The following EFTUD2 variants were observed in gnomAD, a reference collection of about 807,000 sequenced individuals.
EFTUD2 encodes elongation factor Tu GTP binding domain containing 2.
EFTUD2 carries 9 observed loss-of-function variants against 114.3 expected under a neutral mutation model. The observed-to-expected ratio is 0.08, with a 90% CI of 0.05 to 0.14. The LOEUF (loss-of-function observed/expected upper bound fraction) is 0.14, where lower values mean the gene tolerates loss of function less well. Ranked by LOEUF, EFTUD2 falls within the 10% of genes least tolerant of loss-of-function variation. The probability of loss-of-function intolerance (pLI) is 1.00; values close to 1 mark genes in which losing one functional copy is unlikely to be tolerated. For missense variants in EFTUD2, 765 were observed against 1,241.2 expected, an observed-to-expected ratio of 0.62 and a Z score of 5.76; for synonymous variants, 449 against 462.3, an observed-to-expected ratio of 0.97 and a Z score of 0.37.
intron 2 of EFTUD2, among the ~76,000 whole-genome samples, chr17:44,890,174 T>C (rs765217342): frequency 8.5e-5 from 7 of 82,534 alleles, no homozygotes; most frequent in African/African-American, 1.2e-4. Flanking sequence ...CAGCTAATTT[T>C]TGTATTTTTG....
intron 11 of EFTUD2, among the ~76,000 whole-genome samples, chr17:44,871,483 T>G (rs1198971404): frequency 6.6e-6 from 1 of 152,000 alleles, no homozygotes; most frequent in African/African-American, 2.4e-5. Context: ...GGACTACACG[T>G]GCCCGCCACC....
At chr17:44,867,963 T>C (rs371137732) in intron 12 of EFTUD2, 66 bp from the exon 13 acceptor site, 149 of 1,434,230 alleles carry the variant, frequency 1.0e-4, no homozygotes, top group Middle Eastern at 1.8e-4. Flanking sequence ...CCAAGAGGCA[T>C]TGTCTAAGTG....
intron 14 of EFTUD2, among the ~76,000 whole-genome samples, chr17:44,864,429 A>C (rs1366977309): frequency 2.0e-5 from 3 of 152,208 alleles, no homozygotes; most frequent in African/African-American, 7.2e-5. Flanking sequence ...CAGATAACAA[A>C]TCAGAGTCAT....
chr17:44,895,787 T>A (rs1453063780), intron 1 of EFTUD2: 1 of 152,246 alleles, frequency 6.6e-6, no homozygotes, highest in Non-Finnish European at 1.5e-5. Context: ...ACAGATCCCA[T>A]TCAAGTTTCA....
chr17:44,885,396 C>T, intron 3 of EFTUD2, 62 bp from the exon 4 acceptor site: 1 of 1,111,202 alleles, frequency 9.0e-7, no homozygotes, highest in Non-Finnish European at 1.4e-6. Context: ...ATACGGAACA[C>T]TATTCCATTA....
rs775514707 is a variant in EFTUD2, at chr17:44,868,459, C to T, written c.995-109G>A. The T allele has an allele frequency of 4.9e-6, 5 of 1,010,550 alleles. No individual in the cohort carries two copies. In the African/African-American group the frequency reaches 8.1e-5, roughly 16 times the overall value. The allele number at this position is 1,010,550 out of a possible 1,614,324, so 62.6% of individuals were successfully genotyped here. A position where few individuals can be genotyped will look rare whatever the true frequency, so the allele number is the denominator to read the frequency against. On this transcript the variant is annotated intron_variant, in intron 11 of 27. Coordinates refer to ENST00000426333, the MANE Select transcript of EFTUD2 (RefSeq NM_004247.4). ...CTGAGAACTTCTAGCACTTTCCTTTCCAGGGTCCAGGCAGTTCCTTCTAAC... is the reference window on the plus strand; with the variant it reads ...CTGAGAACTTCTAGCACTTTCCTTTTCAGGGTCCAGGCAGTTCCTTCTAAC...
Position 44,850,360 on chromosome 17 carries a change from C to T in EFTUD2, c.*914G>A, listed in dbSNP as rs2145423763. ...CTGTGTACACAATGTACAGCGATTACGTCAAGAGGATGGCACAGGATGCTG... is the reference window on the plus strand; with the variant it reads ...CTGTGTACACAATGTACAGCGATTATGTCAAGAGGATGGCACAGGATGCTG... On this transcript the variant is annotated 3_prime_UTR_variant, in exon 28 of 28. Coordinates refer to ENST00000426333, the MANE Select transcript of EFTUD2 (RefSeq NM_004247.4). 6 of 1,613,366 alleles carry T rather than the reference C, an allele frequency of 3.7e-6. No homozygotes were observed. The highest frequency in any genetic ancestry group is 2.2e-5 in the South Asian group (2 of 90,830).
chr17:44,867,500 G>C (rs1023917316), intron 13 of EFTUD2, among the ~76,000 whole-genome samples: 2 of 151,752 alleles, frequency 1.3e-5, no homozygotes, highest in Non-Finnish European at 2.9e-5. Flanking sequence ...GGGTTTCATC[G>C]TGTTGCCTAG....
At chr17:44,863,948 G>T in intron 14 of EFTUD2, 166 bp from the exon 15 acceptor site, 1 of 872,328 alleles carries the variant, frequency 1.1e-6, no homozygotes, top group Non-Finnish European at 1.6e-6. Context: ...CTGGGAATGT[G>T]CTGCTAGAAG....
At chr17:44,892,169 G>A (rs773048045) in intron 2 of EFTUD2, 8 of 152,294 alleles carry the variant, frequency 5.3e-5, no homozygotes, top group Middle Eastern at 3.4e-3. Context: ...ATAAACCTCT[G>A]TTCTCTATCT....
chr17:44,883,156 T>C lies in EFTUD2; in HGVS notation c.429A>G (p.Thr143=). Residue 143 remains threonine, a splice_region_variant and synonymous_variant, in exon 6 of 28, where the codon ACA becomes ACG. Transcript: ENST00000426333. ...TLCGHLHHGK[T]CFVDCLIEQT... Reference sequence around the variant, plus strand: ...GTTCAATTAAACAATCCACAAAACATGTCTAAAAGGGAAGAAACAGTTAAC... The same window carrying C: ...GTTCAATTAAACAATCCACAAAACACGTCTAAAAGGGAAGAAACAGTTAAC... The C allele has an allele frequency of 1.2e-6, 2 of 1,613,958 alleles. No individual in the cohort carries two copies. Among genetic ancestry groups the C allele is most frequent in the East Asian group, 2.2e-5 (1 of 44,866 alleles).
At chr17:44,865,171 G>A (rs1001853110) in intron 13 of EFTUD2, 106 bp from the exon 14 acceptor site, 9 of 1,476,490 alleles carry the variant, frequency 6.1e-6, no homozygotes, top group African/African-American at 5.6e-5. Context: ...CCTTCACAAG[G>A]CTCTCTTCTA....
At position 44,850,169 on chromosome 17, in the gene EFTUD2, T is replaced by A. The variant is rs2050414751; in HGVS notation, c.*1105A>T. The stretch of plus-strand genomic sequence containing the variant: ...AGATAAGTGGTTTCCCCAGGTTGTG[T>A]GGTCAGATGCTTGAAGCAGCTGTTG... On this transcript the variant is annotated 3_prime_UTR_variant, in exon 28 of 28. Transcript: ENST00000426333. 5 of 578,032 alleles carry A rather than the reference T, an allele frequency of 8.7e-6. No individual in the cohort carries two copies. Among genetic ancestry groups the A allele is most frequent in the Non-Finnish European group, 9.3e-6 (3 of 321,408 alleles). The allele number at this position is 578,032 out of a possible 1,614,324, so 35.8% of individuals were successfully genotyped here.
At chr17:44,853,129 G>A (rs2050485569) in intron 25 of EFTUD2, among the ~76,000 whole-genome samples, 167 bp downstream of exon 25, 4 of 152,102 alleles carry the variant, frequency 2.6e-5, no homozygotes, top group Admixed American at 6.6e-5. Context: ...GCAGAAAAGC[G>A]GGGGCTTGCC....
intron 7 of EFTUD2, among the ~76,000 whole-genome samples, chr17:44,881,184 A>G (rs8081068): frequency 0.68 from 103,642 of 152,006 alleles, 36,531 homozygotes; most frequent in African/African-American, 0.87. Flanking sequence ...TAGGAAAAAG[A>G]GACAGAAATA....
chr17:44,885,411 G>T (rs1029019201), intron 3 of EFTUD2, 77 bp from the exon 4 acceptor site: 1 of 950,340 alleles, frequency 1.1e-6, no homozygotes, highest in Non-Finnish European at 1.7e-6. Flanking sequence ...CCATTAGACT[G>T]ACCTTTCAGA....
At chr17:44,877,394 C>T (rs2050982278) in intron 9 of EFTUD2, among the ~76,000 whole-genome samples, 2 of 152,214 alleles carry the variant, frequency 1.3e-5, no homozygotes, top group Non-Finnish European at 2.9e-5. Context: ...AGCACTAGAG[C>T]ACCGGAATCC....
chr17:44,857,213 C>T, intron 19 of EFTUD2, 56 bp from the exon 20 acceptor site: 1 of 1,485,986 alleles, frequency 6.7e-7, no homozygotes, highest in Non-Finnish European at 9.4e-7. Flanking sequence ...GGAAGGGCAA[C>T]CATTTACCTA....
At chr17:44,868,406 T>G (rs746311017) in intron 11 of EFTUD2, 56 bp from the exon 12 acceptor site, 1 of 1,568,008 alleles carries the variant, frequency 6.4e-7, no homozygotes, top group African/African-American at 1.4e-5. Context: ...TTCAAAATTC[T>G]GTTTCAGGTG....
Sources: allele counts gnomAD v4.1 joint callset (sites outside exome capture counted in the v4.1 genomes callset), GRCh38; gene constraint gnomAD v4.1.1; transcripts MANE v1.5; gene names NCBI Gene and HGNC (gene_info 2026-07-23, HGNC 2026-07-21).